The following SPOCK1 variants were observed in gnomAD, a reference collection of about 807,000 sequenced individuals.
SPOCK1 encodes the protein SPARC (osteonectin), cwcv and kazal like domains proteoglycan 1.
SPOCK1 carries 23 observed loss-of-function variants against 55.3 expected under a neutral mutation model. The ratio of observed to expected loss-of-function variants is 0.42; its 90% CI spans 0.30 to 0.59. SPOCK1 has a LOEUF of 0.59. SPOCK1 is among the 20% of genes least tolerant of loss of function. The pLI is 0.22. For synonymous variants in SPOCK1, 226 were observed against 221.0 expected (o/e 1.02, Z -0.20); for missense variants, 499 against 552.5 (o/e 0.90, Z 0.97).
intron 2 of SPOCK1, among the ~76,000 whole-genome samples, chr5:137,382,919 T>G (rs1049672368): frequency 2.0e-5 from 3 of 152,212 alleles, no homozygotes; most frequent in Admixed American, 2.0e-4. Flanking sequence ...CAGGACTGGT[T>G]AAAATGATGA....
rs1387589471 is a variant in SPOCK1, at chr5:137,112,560, G to A, written c.349C>T (p.Gln117Ter). Residue 117 changes from glutamine (Q) to a stop codon, truncating the protein, a stop_gained and splice_region_variant, in exon 5 of 11, where the codon CAA becomes TAA. Transcript: ENST00000394945. LOFTEE classifies it high-confidence loss of function. ...CVSRKHLLPR[Q>*]KKGNVAQKHW... ...TTCTGGGCCACGTTCCCCTTCTTTTGCCTAAAGATGAGAAAAAAGGGGATA... is the reference window on the plus strand; with the variant it reads ...TTCTGGGCCACGTTCCCCTTCTTTTACCTAAAGATGAGAAAAAAGGGGATA... The A allele has an allele frequency of 6.2e-7, 1 of 1,612,430 alleles. No individual in the cohort carries two copies. Among genetic ancestry groups the A allele is most frequent in the Non-Finnish European group, 8.5e-7 (1 of 1,179,706 alleles).
intron 3 of SPOCK1, among the ~76,000 whole-genome samples, chr5:137,211,822 G>A (rs1053150033): frequency 6.6e-6 from 1 of 152,066 alleles, no homozygotes; most frequent in Non-Finnish European, 1.5e-5. Context: ...TTGGATTGTT[G>A]AACACAATCC....
intron 4 of SPOCK1, among the ~76,000 whole-genome samples, chr5:137,123,925 G>A (rs1753732058): frequency 6.6e-6 from 1 of 152,040 alleles, no homozygotes; most frequent in African/African-American, 2.4e-5. Context: ...CACCAGAAAT[G>A]TTGCACCAAT....
chr5:137,485,873 A>G (rs956814379), intron 2 of SPOCK1, among the ~76,000 whole-genome samples: 2 of 152,162 alleles, frequency 1.3e-5, no homozygotes, highest in Admixed American at 6.5e-5. Flanking sequence ...GGGGCATGAG[A>G]TGGTCTTCAA....
chr5:137,217,975 T>TAGAAGG (rs1199574461), intron 3 of SPOCK1, among the ~76,000 whole-genome samples: 6 of 150,756 alleles, frequency 4.0e-5, no homozygotes, highest in African/African-American at 1.2e-4. Context: ...TATAGATGGT[T>TAGAAGG]AGAAGGAGAA....
chr5:137,465,790 A>G (rs1423088945), intron 2 of SPOCK1, among the ~76,000 whole-genome samples: 1 of 152,214 alleles, frequency 6.6e-6, no homozygotes, highest in Non-Finnish European at 1.5e-5. Flanking sequence ...CACACCAAAG[A>G]ATAGAAAAAC....
At chr5:137,391,059 C>A (rs1751712075) in intron 2 of SPOCK1, among the ~76,000 whole-genome samples, 1 of 151,982 alleles carries the variant, frequency 6.6e-6, no homozygotes, top group African/African-American at 2.4e-5. Flanking sequence ...CCTCCCCTTG[C>A]CCCCAACCCC....
chr5:137,262,790 G>C (rs533952349), intron 3 of SPOCK1, among the ~76,000 whole-genome samples: 1 of 152,248 alleles, frequency 6.6e-6, no homozygotes, highest in East Asian at 1.9e-4. Context: ...CCACCAGAAA[G>C]GAACAAAAGG....
chr5:137,470,944 AG>A (rs1431452471), intron 2 of SPOCK1, among the ~76,000 whole-genome samples: 6 of 152,216 alleles, frequency 3.9e-5, no homozygotes, highest in African/African-American at 1.4e-4. Context: ...CCAGGGCCTC[AG>A]TCTTCTCATG....
intron 2 of SPOCK1, among the ~76,000 whole-genome samples, chr5:137,285,150 G>A (rs531865127): frequency 3.2e-4 from 48 of 152,324 alleles, no homozygotes; most frequent in African/African-American, 1.1e-3. Flanking sequence ...ACACACACAC[G>A]TTAAGAAACC....
rs762274385 is a variant in SPOCK1 at position 137,380,096 on chromosome 5, G to A, written c.187-113041C>T. ...ACCCACACCTAATAAACTCCAGACC[G>A]ACAGCTTGGTGGAGCAAATGCTGTG... On this transcript the variant is annotated intron_variant, in intron 2 of 10. Transcript: ENST00000394945. Among the ~76,000 whole-genome samples the A allele has an allele frequency of 5.1e-4, 78 of 152,106 alleles. 3 individuals are homozygous for A. Among genetic ancestry groups the A allele is most frequent in the East Asian group, 1.9e-4 (1 of 5,184 alleles).
At chr5:137,164,452 G>C (rs1049021357) in intron 3 of SPOCK1, among the ~76,000 whole-genome samples, 4 of 152,204 alleles carry the variant, frequency 2.6e-5, no homozygotes, top group Admixed American at 6.5e-5. Context: ...TAGCCAGGTA[G>C]CTCACTATGG....
chr5:137,001,714 G>A (rs115755494), intron 6 of SPOCK1, among the ~76,000 whole-genome samples: 123 of 152,314 alleles, frequency 8.1e-4, no homozygotes, highest in African/African-American at 2.7e-3. Context: ...TGTTTGTGGT[G>A]AGGATTTTGC....
intron 5 of SPOCK1, among the ~76,000 whole-genome samples, chr5:137,106,126 C>T (rs1015715605): frequency 2.0e-5 from 3 of 148,942 alleles, no homozygotes; most frequent in East Asian, 1.9e-4. Context: ...CCCCACCCCC[C>T]ACCACAACCA....
intron 3 of SPOCK1, among the ~76,000 whole-genome samples, chr5:137,156,241 C>CT (rs1210125837): frequency 6.6e-6 from 1 of 152,096 alleles, no homozygotes; most frequent in Non-Finnish European, 1.5e-5. Context: ...AATGAGGTGA[C>CT]ATGTGAACGT....
chr5:137,071,505 A>C (rs1001344106), intron 5 of SPOCK1, among the ~76,000 whole-genome samples: 5 of 152,220 alleles, frequency 3.3e-5, no homozygotes, highest in African/African-American at 1.2e-4. Context: ...TAAAGTAAGC[A>C]TTAGATTCTG....
intron 3 of SPOCK1, among the ~76,000 whole-genome samples, chr5:137,203,425 C>T (rs1416432966): frequency 6.6e-6 from 1 of 152,058 alleles, no homozygotes; most frequent in African/African-American, 2.4e-5. Flanking sequence ...AGGTTAAAGA[C>T]ATGTCACTCA....
chr5:137,121,927 T>C (rs1456755660), intron 4 of SPOCK1, among the ~76,000 whole-genome samples: 6 of 146,048 alleles, frequency 4.1e-5, no homozygotes, highest in African/African-American at 1.5e-4. Flanking sequence ...AATACTGTTA[T>C]TATATAACAG....
chr5:137,072,476 C>T (rs1417372566), intron 5 of SPOCK1, among the ~76,000 whole-genome samples: 1 of 152,194 alleles, frequency 6.6e-6, no homozygotes, highest in Admixed American at 6.5e-5. Context: ...CATGAACAGG[C>T]AGATACACTC....
Sources: allele counts gnomAD v4.1 joint callset (sites outside exome capture counted in the v4.1 genomes callset), GRCh38; gene constraint gnomAD v4.1.1; transcripts MANE v1.5; gene names NCBI Gene and HGNC (gene_info 2026-07-23, HGNC 2026-07-21).